Variants in DYM observed in about 807,000 individuals in gnomAD.
DYM encodes dymeclin.
In DYM, 78 loss-of-function variants were observed where a neutral mutation model predicts 93.1. That is an observed-to-expected ratio of 0.84 (90% CI 0.70 to 1.01). The LOEUF is 1.01. DYM is among the 50% of genes least tolerant of loss of function. The pLI, the probability that DYM is intolerant of heterozygous loss-of-function variation, is 0.00. For synonymous variants in DYM, 321 were observed against 319.7 expected, an observed-to-expected ratio of 1.00 and a Z score of -0.04; for missense variants, 789 against 845.0, an observed-to-expected ratio of 0.93 and a Z score of 0.82.
At chr18:49,325,382 G>A (rs998262806) in intron 8 of DYM, among the ~76,000 whole-genome samples, 1 of 152,116 alleles carries the variant, frequency 6.6e-6, no homozygotes, top group Non-Finnish European at 1.5e-5. Context: ...ACACGTGACA[G>A]CTACAGAAAC....
chr18:49,335,095 G>A lies in DYM; in HGVS notation c.495-1242C>T, dbSNP rs1246842778. On this transcript the variant is annotated intron_variant, in intron 6 of 17. Coordinates refer to ENST00000675505, the MANE Select transcript of DYM (RefSeq NM_001353214.3). ...GCACTCCAGCCTTGGCGATAAGAGC[G>A]AAACTCCATCTCAAAAACAAAAAAT... Among the ~76,000 whole-genome samples the A allele has an allele frequency of 4.0e-5, 6 of 151,614 alleles. No homozygotes were observed. The East Asian group carries it at 5.8e-4, about 15-fold the overall frequency.
intron 14 of DYM, among the ~76,000 whole-genome samples, chr18:49,204,264 T>C (rs2092352053): frequency 6.6e-6 from 1 of 152,232 alleles, no homozygotes; most frequent in Non-Finnish European, 1.5e-5. Context: ...TCAATGTGTG[T>C]TAGAAAATAA....
intron 17 of DYM, among the ~76,000 whole-genome samples, chr18:49,060,709 G>C (rs2075902095): frequency 1.1e-5 from 1 of 87,176 alleles, no homozygotes; most frequent in African/African-American, 4.4e-5. Context: ...CGGAGGGGGA[G>C]AGAGGGAGGT....
intron 10 of DYM, among the ~76,000 whole-genome samples, chr18:49,275,520 A>G (rs1173411293): frequency 6.6e-6 from 1 of 152,142 alleles, no homozygotes; most frequent in Non-Finnish European, 1.5e-5. Flanking sequence ...CTAGGATTCT[A>G]ATAGGTATTG....
intron 13 of DYM, among the ~76,000 whole-genome samples, chr18:49,232,742 G>A (rs1326922641): frequency 6.6e-6 from 1 of 151,140 alleles, no homozygotes; most frequent in African/African-American, 2.4e-5. Context: ...TCAAGTAGCT[G>A]GGATTACAGA....
intron 14 of DYM, among the ~76,000 whole-genome samples, chr18:49,190,068 G>T (rs2090828268): frequency 6.6e-6 from 1 of 152,174 alleles, no homozygotes; most frequent in African/African-American, 2.4e-5. Flanking sequence ...CAAGAAAACA[G>T]CAAGATAATC....
intron 15 of DYM, among the ~76,000 whole-genome samples, chr18:49,127,996 C>A (rs1460821289): frequency 6.6e-6 from 1 of 152,154 alleles, no homozygotes; most frequent in Non-Finnish European, 1.5e-5. Flanking sequence ...TGAATGTGAC[C>A]CACAAGCCTC....
chr18:49,289,673 T>C (rs933904807), intron 8 of DYM, among the ~76,000 whole-genome samples: 11 of 144,556 alleles, frequency 7.6e-5, no homozygotes, highest in African/African-American at 1.5e-4. Flanking sequence ...ACTGTGCCAC[T>C]GCACTCCAAC....
chr18:49,452,290 A>G (rs1254096378), intron 1 of DYM, among the ~76,000 whole-genome samples: 1 of 152,198 alleles, frequency 6.6e-6, no homozygotes, highest in African/African-American at 2.4e-5. Context: ...CCAAAGAGTG[A>G]GCAGCAGCAA....
intron 13 of DYM, among the ~76,000 whole-genome samples, chr18:49,212,746 C>T (rs747976757): frequency 5.3e-5 from 8 of 152,122 alleles, no homozygotes; most frequent in Non-Finnish European, 1.5e-5. Flanking sequence ...ATCCATCCAC[C>T]CTGGCCTTCC....
At chr18:49,318,579 G>A (rs544428556) in intron 8 of DYM, among the ~76,000 whole-genome samples, 8 of 152,022 alleles carry the variant, frequency 5.3e-5, no homozygotes, top group Admixed American at 1.3e-4. Context: ...CCGAGATGGC[G>A]CCGCTGCACT....
intron 17 of DYM, among the ~76,000 whole-genome samples, chr18:49,048,815 C>G (rs2071993001): frequency 1.3e-5 from 2 of 152,222 alleles, no homozygotes; most frequent in Non-Finnish European, 2.9e-5. Flanking sequence ...ACCCCCATGA[C>G]TATCCTTCCC....
At chr18:49,446,233 G>A (rs1307394598) in intron 1 of DYM, among the ~76,000 whole-genome samples, 1 of 151,998 alleles carries the variant, frequency 6.6e-6, no homozygotes, top group Non-Finnish European at 1.5e-5. Flanking sequence ...AACGGCCTGG[G>A]CAACACAGTG....
intron 12 of DYM, 74 bp downstream of exon 12, chr18:49,258,306 A>G (rs1003160574): frequency 4.8e-6 from 5 of 1,044,100 alleles, no homozygotes; most frequent in Non-Finnish European, 7.5e-6. Context: ...CATCCTAAAA[A>G]TTGGGATTGC....
chr18:49,194,384 T>C (rs992154769), intron 14 of DYM, among the ~76,000 whole-genome samples: 1 of 149,456 alleles, frequency 6.7e-6, no homozygotes, highest in African/African-American at 2.5e-5. Context: ...AGTGCCTCCT[T>C]CACCAACGCA....
chr18:49,162,930 A>C (rs2087351784), intron 15 of DYM, among the ~76,000 whole-genome samples: 1 of 152,248 alleles, frequency 6.6e-6, no homozygotes, highest in Non-Finnish European at 1.5e-5. Flanking sequence ...ATAAAGCAGA[A>C]GCAAAAGGAA....
In DYM at chr18:49,040,539, T is replaced by C. The variant is rs1380740037; in HGVS notation, c.*3516A>G. On this transcript the variant is annotated 3_prime_UTR_variant, in exon 18 of 18. Coordinates refer to ENST00000675505, the MANE Select transcript of DYM (RefSeq NM_001353214.3). Reference sequence around the variant, plus strand: ...TATGCATAGCTAGCTTAGCTCTTCATCACTGAATAGAAACTGACCTCTTTG... The same window carrying C: ...TATGCATAGCTAGCTTAGCTCTTCACCACTGAATAGAAACTGACCTCTTTG... Among the ~76,000 whole-genome samples the C allele has an allele frequency of 1.2e-4, 18 of 152,232 alleles. No individual in the cohort carries two copies.
At chr18:49,140,086 C>T (rs889199338) in intron 15 of DYM, among the ~76,000 whole-genome samples, 2 of 152,040 alleles carry the variant, frequency 1.3e-5, no homozygotes, top group African/African-American at 4.8e-5. Context: ...CTTGATGATT[C>T]TAAGTGCTCT....
In DYM at chr18:49,349,680, G is replaced by A. The variant is rs1202317509; in HGVS notation, c.494+13481C>T. On this transcript the variant is annotated intron_variant, in intron 6 of 17. Coordinates refer to ENST00000675505, the MANE Select transcript of DYM (RefSeq NM_001353214.3). ...GCACATAAGAATCACAATATAACTA[G>A]GCGCCGTGACTCAATCTGTCATCCC... Among the ~76,000 whole-genome samples the A allele has an allele frequency of 6.6e-5, 10 of 152,250 alleles. No individual in the cohort carries two copies. In the South Asian group the frequency reaches 2.1e-3, roughly 32 times the overall value.
Sources: gnomAD v4.1 joint callset for allele counts (sites outside exome capture counted in the v4.1 genomes callset) on GRCh38, gnomAD v4.1.1 for gene constraint, MANE v1.5 for transcripts, NCBI Gene and HGNC (gene_info 2026-07-23, HGNC 2026-07-21) for gene names.